Variants in SYT1 observed in about 807,000 individuals in gnomAD.
The protein encoded by SYT1 is synaptotagmin-1.
SYT1 carries 8 observed loss-of-function variants against 44.8 expected under a neutral mutation model. The observed-to-expected ratio is 0.18, with a 90% CI of 0.10 to 0.32. SYT1 has a LOEUF of 0.32. Among genes scored for constraint, SYT1 ranks in the 10% least tolerant of loss-of-function variants. SYT1 has a pLI of 1.00. For synonymous variants in SYT1, 154 were observed against 188.8 expected (o/e 0.82, Z 1.51); for missense variants, 286 against 509.3 (o/e 0.56, Z 4.22).
chr12:79,050,539 TA>T (rs1180224591), intron 3 of SYT1, among the ~76,000 whole-genome samples: 3 of 152,024 alleles, frequency 2.0e-5, no homozygotes, highest in African/African-American at 7.2e-5. Context: ...AGGGTGTGTT[TA>T]AAAAATCATT....
chr12:79,432,221 T>A (rs534140208), intron 9 of SYT1, among the ~76,000 whole-genome samples: 456 of 152,070 alleles, frequency 3.0e-3, no homozygotes, highest in Middle Eastern at 6.8e-3. Flanking sequence ...TTTTTTTTTT[T>A]AATTATTATA....
At chr12:79,174,865 T>G (rs1388899636) in intron 3 of SYT1, among the ~76,000 whole-genome samples, 3 of 152,058 alleles carry the variant, frequency 2.0e-5, no homozygotes. Context: ...AGATACAAGG[T>G]CTTGCCAACA....
intron 2 of SYT1, among the ~76,000 whole-genome samples, chr12:79,040,242 G>C (rs1160486635): frequency 4.6e-5 from 7 of 150,870 alleles, no homozygotes; most frequent in Admixed American, 2.0e-4. Context: ...CCCACCAACA[G>C]TGTAAAAGTG....
At chr12:78,969,358 A>T (rs1428324603) in intron 1 of SYT1, among the ~76,000 whole-genome samples, 1 of 152,200 alleles carries the variant, frequency 6.6e-6, no homozygotes, top group Admixed American at 6.5e-5. Flanking sequence ...CTTCCCTACA[A>T]AGGTGACATT....
intron 4 of SYT1, among the ~76,000 whole-genome samples, chr12:79,272,190 A>T (rs1878463481): frequency 6.6e-6 from 1 of 152,218 alleles, no homozygotes; most frequent in Admixed American, 6.5e-5. Context: ...GGAACAACTT[A>T]CCCAGTCTGA....
chr12:79,333,547 C>T (rs1881953348), intron 8 of SYT1, among the ~76,000 whole-genome samples: 1 of 152,100 alleles, frequency 6.6e-6, no homozygotes, highest in Non-Finnish European at 1.5e-5. Context: ...TGCATTTTTA[C>T]AAGGTTCACT....
intron 8 of SYT1, chr12:79,341,315 G>T (rs1882364083): frequency 6.6e-6 from 1 of 152,118 alleles, no homozygotes; most frequent in Admixed American, 6.5e-5. Context: ...GGCAGGTAGG[G>T]CTCTGCTTTA....
chr12:79,029,675 A>C (rs1298488093), intron 2 of SYT1, among the ~76,000 whole-genome samples: 1 of 151,170 alleles, frequency 6.6e-6, no homozygotes, highest in African/African-American at 2.4e-5. Flanking sequence ...TGGCCATAGG[A>C]GGTTACATGG....
intron 2 of SYT1, among the ~76,000 whole-genome samples, chr12:79,010,101 A>G (rs1300678173): frequency 6.6e-6 from 1 of 152,140 alleles, no homozygotes; most frequent in African/African-American, 2.4e-5. Context: ...TATTACTATT[A>G]CTGTAGGTTA....
chr12:79,374,017 G>T (rs1009599761), intron 9 of SYT1, among the ~76,000 whole-genome samples: 4 of 152,140 alleles, frequency 2.6e-5, no homozygotes, highest in South Asian at 4.1e-4. Flanking sequence ...CACATAAAGC[G>T]CAATACATAG....
intron 4 of SYT1, among the ~76,000 whole-genome samples, chr12:79,276,085 T>G (rs879624084): frequency 1.2e-4 from 18 of 152,020 alleles, no homozygotes; most frequent in Non-Finnish European, 1.9e-4. Context: ...TTTTAAATAA[T>G]AAGAAGAAAT....
At chr12:79,023,872 A>G (rs977657700) in intron 2 of SYT1, among the ~76,000 whole-genome samples, 4 of 151,742 alleles carry the variant, frequency 2.6e-5, no homozygotes, top group Admixed American at 6.6e-5. Flanking sequence ...TAGAGACATC[A>G]TACCTCTTTA....
chr12:79,258,328 G>T (rs560978149), intron 4 of SYT1, among the ~76,000 whole-genome samples: 1 of 152,214 alleles, frequency 6.6e-6, no homozygotes, highest in Non-Finnish European at 1.5e-5. Context: ...TCAAAGGAAA[G>T]AGAGTACCAA....
intron 4 of SYT1, among the ~76,000 whole-genome samples, chr12:79,235,212 T>G (rs914884979): frequency 1.3e-5 from 2 of 152,340 alleles, no homozygotes; most frequent in East Asian, 1.9e-4. Flanking sequence ...TATTTATATC[T>G]CCACAGGTGA....
chr12:79,143,064 C>T (rs923153483), intron 3 of SYT1, among the ~76,000 whole-genome samples: 1 of 152,044 alleles, frequency 6.6e-6, no homozygotes, highest in Non-Finnish European at 1.5e-5. Context: ...GAAAATCCTA[C>T]ATTTAAAAAA....
In SYT1 at chr12:79,388,556, A is replaced by T. The variant is rs963778140; in HGVS notation, c.928+34937A>T. 3.3e-5 allele frequency among the ~76,000 whole-genome samples: 5 copies of T among 152,012 alleles called. No homozygotes were observed. In the East Asian group the frequency reaches 7.8e-4, roughly 24 times the overall value. On this transcript the variant is annotated intron_variant, in intron 9 of 10. Transcript: ENST00000261205. ...CTAAAAATAAAAATAAAAAATAAAT[A>T]AAAAAATAGCCAGGTGTGGTGGCAC... is the stretch of plus-strand genomic sequence containing the variant.
intron 8 of SYT1, among the ~76,000 whole-genome samples, chr12:79,308,321 T>G (rs997341576): frequency 2.0e-5 from 3 of 151,980 alleles, no homozygotes; most frequent in Non-Finnish European, 2.9e-5. Flanking sequence ...GGTCAGGAGT[T>G]CGAGACCAGC....
In SYT1 at chr12:78,876,838, T is replaced by TA. The variant is rs1192614099; in HGVS notation, c.-217+11730dup. On this transcript the variant is annotated intron_variant, in intron 1 of 10. Coordinates refer to ENST00000261205, the MANE Select transcript of SYT1 (RefSeq NM_005639.3). ...CATATCATATATTATATGTATTATA[T>TA]ATAATATATATTATATATAATATAT... is the stretch of plus-strand genomic sequence containing the variant. 3.4e-4 allele frequency among the ~76,000 whole-genome samples: 27 copies of TA among 80,248 alleles called. 1 individual carries two copies. The highest frequency in any genetic ancestry group is 6.0e-4 in the Non-Finnish European group (27 of 44,884). The allele number at this position is 80,248 out of a possible 152,430, so 52.6% of individuals were successfully genotyped here.
At chr12:79,129,603 C>T (rs1868674618) in intron 3 of SYT1, among the ~76,000 whole-genome samples, 1 of 152,182 alleles carries the variant, frequency 6.6e-6, no homozygotes, top group African/African-American at 2.4e-5. Flanking sequence ...CTGTCTAATT[C>T]ACCATATTTG....
Sources: gnomAD v4.1 joint callset for allele counts (sites outside exome capture counted in the v4.1 genomes callset) on GRCh38, gnomAD v4.1.1 for gene constraint, MANE v1.5 for transcripts, NCBI Gene and HGNC (gene_info 2026-07-23, HGNC 2026-07-21) for gene names.